The following ZNF641 variants were observed in gnomAD, a reference collection of about 807,000 sequenced individuals.
ZNF641 encodes the protein zinc finger protein 641.
A neutral mutation model predicts 46.2 loss-of-function variants in ZNF641; 26 were observed. The observed-to-expected ratio is 0.56, with a 90% CI of 0.41 to 0.78. The LOEUF is 0.78. Among genes scored for constraint, ZNF641 ranks in the 30% least tolerant of loss-of-function variants. The pLI, the probability that ZNF641 is intolerant of heterozygous loss-of-function variation, is 0.00. For missense variants in ZNF641, 469 were observed against 517.8 expected (o/e 0.91, Z 0.91); for synonymous variants, 163 against 187.9 (o/e 0.87, Z 1.09).
rs774180576 is a variant in ZNF641, at chr12:48,343,225, C to T, written c.1023G>A (p.Glu341=). ...GKSCKGQEVG[E]SPGTRKRQRA... ...GCTGCCGTTTCCTTGTGCCAGGGCT[C>T]TCTCCAACCTCTTGGCCTTTGCAGG... The change falls in exon 6 of 6, where the codon GAG becomes GAA. Residue 341 remains glutamate, a synonymous_variant. Transcript: ENST00000547026. 6.2e-7 allele frequency: 1 copy of T among 1,614,260 alleles called. No individual in the cohort carries two copies. Among genetic ancestry groups the T allele is most frequent in the Non-Finnish European group, 8.5e-7 (1 of 1,180,044 alleles).
chr12:48,348,626 T>C (rs1209137492), intron 1 of ZNF641, among the ~76,000 whole-genome samples: 3 of 152,204 alleles, frequency 2.0e-5, no homozygotes, highest in Non-Finnish European at 4.4e-5. Flanking sequence ...AGGGGCGTAT[T>C]TGTATCATGA....
At position 48,340,830 on chromosome 12, in the gene ZNF641, C is replaced by T; in HGVS notation, c.*2143G>A. On this transcript the variant is annotated 3_prime_UTR_variant, in exon 6 of 6. Transcript: ENST00000547026. ...TAAAGAGGGAGAGTAAAAGAAATGT[C>T]AGAGTCCAGATTTATCACTGAACCC... The T allele has an allele frequency of 1.0e-6, 1 of 985,422 alleles. No homozygotes were observed. Among genetic ancestry groups the T allele is most frequent in the Non-Finnish European group, 1.2e-6 (1 of 829,900 alleles). The allele number at this position is 985,422 out of a possible 1,614,324, so 61.0% of individuals were successfully genotyped here.
intron 1 of ZNF641, chr12:48,350,008 GTGC>G: frequency 6.2e-7 from 1 of 1,613,774 alleles, no homozygotes; most frequent in Non-Finnish European, 8.5e-7. Flanking sequence ...ATCCGTGGAA[GTGC>G]TAGCAAAAAT....
At chr12:48,337,037 A>T (rs1379205906), downstream of ZNF641, 1 of 152,226 alleles carries the variant, frequency 6.6e-6, no homozygotes, top group African/African-American at 2.4e-5. Context: ...TTGCTTCTGG[A>T]GGCTTATGTT....
At chr12:48,336,482 T>C (rs1028179125), downstream of ZNF641, among the ~76,000 whole-genome samples, 4 of 152,164 alleles carry the variant, frequency 2.6e-5, no homozygotes, top group Admixed American at 2.0e-4. Flanking sequence ...CCCTAAGCAA[T>C]AGGCTTGAGG....
downstream of ZNF641, among the ~76,000 whole-genome samples, chr12:48,336,130 A>C (rs960061379): frequency 4.6e-5 from 7 of 152,230 alleles, no homozygotes; most frequent in African/African-American, 1.7e-4. Context: ...CCAAAAAAAT[A>C]GTATTTTTAA....
In ZNF641 at chr12:48,343,402, C is replaced by T; in HGVS notation, c.846G>A (p.Lys282=). 6 of 1,614,028 alleles carry T rather than the reference C, an allele frequency of 3.7e-6. No homozygotes were observed. Among genetic ancestry groups the T allele is most frequent in the Non-Finnish European group, 5.1e-6 (6 of 1,180,018 alleles). Residue 282 remains lysine (K), a synonymous_variant, in exon 6 of 6, where the codon AAG becomes AAA. Transcript: ENST00000547026. The part of the protein sequence containing the change: ...HTGERPYSCL[K]CEKTFGRRHH... ...GTCTTCGCCCAAAGGTCTTCTCACA[C>T]TTGAGGCAGCTGTAGGGTCTCTCCC...
At chr12:48,349,823 G>C (rs1043337805) in intron 1 of ZNF641, among the ~76,000 whole-genome samples, 1 of 152,148 alleles carries the variant, frequency 6.6e-6, no homozygotes, top group Non-Finnish European at 1.5e-5. Flanking sequence ...CCATCTTTCT[G>C]GTTCTCTAGC....
At chr12:48,349,005 C>G (rs942343073) in intron 1 of ZNF641, among the ~76,000 whole-genome samples, 3 of 152,140 alleles carry the variant, frequency 2.0e-5, no homozygotes, top group African/African-American at 7.2e-5. Flanking sequence ...CATCAGAAAA[C>G]ATCAAAGTCA....
At position 48,339,412 on chromosome 12, in the gene ZNF641, T is replaced by C. The variant is rs1430616403; in HGVS notation, c.*3561A>G. The stretch of plus-strand genomic sequence containing the variant: ...CCTTCCCGAGTTTCTGATTCAGTAG[T>C]TCTCCTGGGGCGGGGGCTAAGAATT... On this transcript the variant is annotated 3_prime_UTR_variant, in exon 6 of 6. Coordinates refer to ENST00000547026, the MANE Select transcript of ZNF641 (RefSeq NM_001172681.2). 1 of 152,180 alleles carries C rather than the reference T, an allele frequency of 6.6e-6. No individual in the cohort carries two copies. Among genetic ancestry groups the C allele is most frequent in the African/African-American group, 2.4e-5 (1 of 41,430 alleles). 9.4% of individuals were successfully genotyped at this position (152,180 alleles called of 1,614,324 possible). A position where few individuals can be genotyped will look rare whatever the true frequency, so the allele number is the denominator to read the frequency against.
chr12:48,350,037 G>C (rs1952983886), intron 1 of ZNF641: 3 of 1,614,230 alleles, frequency 1.9e-6, no homozygotes, highest in Non-Finnish European at 8.5e-7. Context: ...CAAAGGATGG[G>C]ATGGGTACCT....
rs946160337 is a variant in ZNF641 at position 48,338,102 on chromosome 12, G to GT, written c.*4870dup. The GT allele has an allele frequency of 6.6e-6, 1 of 152,462 alleles. No homozygotes were observed. The highest frequency in any genetic ancestry group is 2.4e-5 in the African/African-American group (1 of 41,406). The allele number at this position is 152,462 out of a possible 1,614,324, so 9.4% of individuals were successfully genotyped here. A position where few individuals can be genotyped will look rare whatever the true frequency, so the allele number is the denominator to read the frequency against. On this transcript the variant is annotated 3_prime_UTR_variant, in exon 6 of 6. Coordinates refer to ENST00000547026, the MANE Select transcript of ZNF641 (RefSeq NM_001172681.2). ...GCCAAGAATTTGGAGGATGAGAGTG[G>GT]TAAGTATGAATTGACCCCTGCTTAG...
chr12:48,350,863 T>A lies in ZNF641; in HGVS notation c.-103A>T, dbSNP rs972807988. Reference sequence around the variant, plus strand: ...CCCTCCCCTCCGCCCTCCGCTTGCGTCTGGGAGCCGGCGGCCGGCGGAGCC... The same window carrying A: ...CCCTCCCCTCCGCCCTCCGCTTGCGACTGGGAGCCGGCGGCCGGCGGAGCC... On this transcript the variant is annotated 5_prime_UTR_variant, in exon 1 of 6. Coordinates refer to ENST00000547026, the MANE Select transcript of ZNF641 (RefSeq NM_001172681.2). The A allele has an allele frequency of 1.8e-5, 18 of 984,670 alleles. No homozygotes were observed. Among genetic ancestry groups the A allele is most frequent in the African/African-American group, 5.3e-5 (3 of 57,088 alleles). The allele number at this position is 984,670 out of a possible 1,614,324, so 61.0% of individuals were successfully genotyped here. A position where few individuals can be genotyped will look rare whatever the true frequency, so the allele number is the denominator to read the frequency against.
downstream of ZNF641, among the ~76,000 whole-genome samples, chr12:48,335,818 G>C (rs1329953008): frequency 6.6e-6 from 1 of 152,172 alleles, no homozygotes; most frequent in Non-Finnish European, 1.5e-5. Flanking sequence ...TACTAAAATG[G>C]ATAAAACATA....
intron 3 of ZNF641, among the ~76,000 whole-genome samples, chr12:48,346,389 C>A (rs1952871927): frequency 6.6e-6 from 1 of 152,102 alleles, no homozygotes; most frequent in African/African-American, 2.4e-5. Context: ...AGTTAATATA[C>A]ATAAAGCACC....
At chr12:48,346,826 C>T (rs751720315) in intron 3 of ZNF641, among the ~76,000 whole-genome samples, 9 of 152,148 alleles carry the variant, frequency 5.9e-5, no homozygotes, top group East Asian at 1.9e-4. Flanking sequence ...GCCTGGCCAA[C>T]GTGGCAAAAC....
intron 4 of ZNF641, 154 bp from the exon 5 acceptor site, chr12:48,344,866 C>G (rs1442241650): frequency 1.7e-6 from 1 of 583,124 alleles, no homozygotes; most frequent in Non-Finnish European, 3.0e-6. Flanking sequence ...CCTCTTCCCC[C>G]ACCCATTTCT....
intron 4 of ZNF641, 57 bp downstream of exon 4, chr12:48,345,288 G>A (rs1473982454): frequency 1.9e-6 from 3 of 1,598,420 alleles, no homozygotes; most frequent in Non-Finnish European, 1.7e-6. Flanking sequence ...CCCTGAAGCA[G>A]ATGGCTCCGT....
At position 48,340,530 on chromosome 12, in the gene ZNF641, G is replaced by A; in HGVS notation, c.*2443C>T. On this transcript the variant is annotated 3_prime_UTR_variant, in exon 6 of 6. Coordinates refer to ENST00000547026, the MANE Select transcript of ZNF641 (RefSeq NM_001172681.2). ...CAGACTCCATCCTTATACCACTGAT[G>A]CCTCTGGTACCTTAATCCTTAAAAT... is the stretch of plus-strand genomic sequence containing the variant. 1.0e-6 allele frequency: 1 copy of A among 985,366 alleles called. No homozygotes were observed. Among genetic ancestry groups the A allele is most frequent in the Non-Finnish European group, 1.2e-6 (1 of 829,906 alleles). The allele number at this position is 985,366 out of a possible 1,614,324, so 61.0% of individuals were successfully genotyped here.
Sources: gnomAD v4.1 joint callset for allele counts (sites outside exome capture counted in the v4.1 genomes callset) on GRCh38, gnomAD v4.1.1 for gene constraint, MANE v1.5 for transcripts, NCBI Gene and HGNC (gene_info 2026-07-23, HGNC 2026-07-21) for gene names.